NR6A1: variants seen among roughly 807,000 people sequenced by gnomAD.
The protein encoded by NR6A1 is nuclear receptor subfamily 6 group A member 1, also known as retinoic acid receptor-related testis-associated receptor.
Under a neutral mutation model 59.1 loss-of-function variants are expected in NR6A1, and 7 were observed. The observed-to-expected ratio is 0.12, with a 90% CI of 0.07 to 0.22. The LOEUF (loss-of-function observed/expected upper bound fraction) is 0.22. Among genes scored for constraint, NR6A1 ranks in the 10% least tolerant of loss-of-function variants. NR6A1 has a pLI of 1.00. For synonymous variants in NR6A1, 243 were observed against 236.1 expected, an observed-to-expected ratio of 1.03 and a Z score of -0.27; for missense variants, 468 against 611.6, an observed-to-expected ratio of 0.77 and a Z score of 2.48.
chr9:124,702,240 C>T (rs1838982248), intron 2 of NR6A1, among the ~76,000 whole-genome samples: 2 of 152,142 alleles, frequency 1.3e-5, no homozygotes, highest in Admixed American at 6.6e-5. Context: ...AGTTTTAGCT[C>T]TTACATTTAG....
chr9:124,749,745 T>C (rs1840441523), intron 1 of NR6A1, among the ~76,000 whole-genome samples: 1 of 152,164 alleles, frequency 6.6e-6, no homozygotes, highest in African/African-American at 2.4e-5. Flanking sequence ...CTACAGATAC[T>C]AGTATACCCT....
chr9:124,670,487 G>C (rs1837759341), intron 2 of NR6A1, among the ~76,000 whole-genome samples: 1 of 149,260 alleles, frequency 6.7e-6, no homozygotes, highest in African/African-American at 2.6e-5. Flanking sequence ...TAAAAAGCTA[G>C]GAAATGAAAA....
chr9:124,634,762 C>A (rs1342540202), intron 2 of NR6A1, among the ~76,000 whole-genome samples: 2 of 152,090 alleles, frequency 1.3e-5, no homozygotes, highest in Non-Finnish European at 1.5e-5. Flanking sequence ...GCGGAGTTTG[C>A]AATGAGCCGA....
At chr9:124,628,435 G>A (rs1588721086) in intron 2 of NR6A1, among the ~76,000 whole-genome samples, 1 of 151,460 alleles carries the variant, frequency 6.6e-6, no homozygotes, top group African/African-American at 2.4e-5. Flanking sequence ...TCTGGGCCTC[G>A]CAGGTTCAAG....
chr9:124,536,277 T>C (rs1184947931), intron 6 of NR6A1, 145 bp from the exon 7 acceptor site: 3 of 918,536 alleles, frequency 3.3e-6, no homozygotes, highest in Non-Finnish European at 4.9e-6. Context: ...TTCCATTCAG[T>C]GTGATTTTCT....
At chr9:124,711,718 A>T (rs11791500) in intron 2 of NR6A1, among the ~76,000 whole-genome samples, 1 of 152,196 alleles carries the variant, frequency 6.6e-6, no homozygotes, top group Non-Finnish European at 1.5e-5. Flanking sequence ...AAAAGTGACC[A>T]CTGGATACCC....
chr9:124,629,614 G>A (rs1836363926), intron 2 of NR6A1, among the ~76,000 whole-genome samples: 1 of 152,306 alleles, frequency 6.6e-6, no homozygotes, highest in Middle Eastern at 3.4e-3. Flanking sequence ...ATTTCCCAGA[G>A]CGTGCAAGGT....
intron 2 of NR6A1, among the ~76,000 whole-genome samples, chr9:124,640,700 C>G (rs1280193359): frequency 6.6e-6 from 1 of 151,950 alleles, no homozygotes; most frequent in Non-Finnish European, 1.5e-5. Context: ...TTACCACCCC[C>G]AGTCCAATCT....
rs1833870602 is a variant in NR6A1, at chr9:124,554,347, C to T, written c.366G>A (p.Gln122=). The change falls in exon 3 of 10, where the codon CAG becomes CAA. Residue 122 remains glutamine (Q), a synonymous_variant. Coordinates refer to ENST00000487099, the MANE Select transcript of NR6A1 (RefSeq NM_033334.4). ...CQYCRLLKCL[Q]MGMNRKAIRE... is the part of the protein sequence containing the mutation. The stretch of plus-strand genomic sequence containing the variant: ...ACTCACCCTTCCGGTTCATCCCCAT[C>T]TGGAGGCATTTGAGCAGGCGGCAGT... 1 of 1,614,090 alleles carries T rather than the reference C, an allele frequency of 6.2e-7. No homozygotes were observed. The highest frequency in any genetic ancestry group is 1.7e-5 in the Admixed American group (1 of 60,008).
At chr9:124,674,447 G>A (rs1837892827) in intron 2 of NR6A1, among the ~76,000 whole-genome samples, 1 of 152,068 alleles carries the variant, frequency 6.6e-6, no homozygotes, top group Non-Finnish European at 1.5e-5. Flanking sequence ...TTCCCTTACT[G>A]TGTCTTTCTA....
chr9:124,636,725 GCATTTA>G (rs954655489), intron 2 of NR6A1, among the ~76,000 whole-genome samples: 4 of 152,140 alleles, frequency 2.6e-5, no homozygotes, highest in African/African-American at 9.7e-5. Context: ...TCAGTTGACG[GCATTTA>G]CAAGGATCTA....
chr9:124,595,937 A>T (rs1835259032), intron 2 of NR6A1: 2 of 591,014 alleles, frequency 3.4e-6, no homozygotes, highest in Admixed American at 2.9e-5. Context: ...GTGATTGCAA[A>T]GTTCAGGCTC....
At chr9:124,612,251 C>T (rs992046360) in intron 2 of NR6A1, among the ~76,000 whole-genome samples, 3 of 152,196 alleles carry the variant, frequency 2.0e-5, no homozygotes, top group Non-Finnish European at 4.4e-5. Context: ...GCCCCTCACT[C>T]TCATAGTCCA....
Position 124,520,748 on chromosome 9 carries a change from G to A in NR6A1, c.*1957C>T, listed in dbSNP as rs1002924051. 1.3e-5 allele frequency: 2 copies of A among 152,130 alleles called. No homozygotes were observed. Among genetic ancestry groups the A allele is most frequent in the African/African-American group, 4.8e-5 (2 of 41,402 alleles). 9.4% of individuals were successfully genotyped at this position (152,130 alleles called of 1,614,324 possible). On this transcript the variant is annotated 3_prime_UTR_variant, in exon 10 of 10. Transcript: ENST00000487099. ...CTAGTTGGTTAAATAAAATTCAGGG[G>A]AACAAGTATCGTGAACTTAGAAATA... is the stretch of plus-strand genomic sequence containing the variant.
At chr9:124,544,304 A>G (rs16927511) in intron 3 of NR6A1, among the ~76,000 whole-genome samples, 3,774 of 152,244 alleles carry the variant, frequency 0.025, 117 homozygotes, top group East Asian at 0.098. Context: ...CATTAATCAG[A>G]ATTTTGACCT....
At chr9:124,702,189 G>A (rs1838980642) in intron 2 of NR6A1, among the ~76,000 whole-genome samples, 1 of 152,172 alleles carries the variant, frequency 6.6e-6, no homozygotes, top group Middle Eastern at 3.4e-3. Context: ...AGAGGTCTTT[G>A]CCTAACCCAA....
chr9:124,670,059 T>C lies in NR6A1; in HGVS notation c.142+63249A>G, dbSNP rs147996129. 1.1e-3 allele frequency among the ~76,000 whole-genome samples: 169 copies of C among 152,138 alleles called. 3 individuals are homozygous for C. In the East Asian group the frequency reaches 0.025, roughly 23 times the overall value. The stretch of plus-strand genomic sequence containing the variant: ...GAAACTTACATACCATTTTTCCCCC[T>C]ACCCTTCCCCTCACATAAATTTGGT... On this transcript the variant is annotated intron_variant, in intron 2 of 9. Coordinates refer to ENST00000487099, the MANE Select transcript of NR6A1 (RefSeq NM_033334.4).
intron 3 of NR6A1, among the ~76,000 whole-genome samples, chr9:124,549,849 A>G (rs1335805467): frequency 6.6e-6 from 1 of 152,204 alleles, no homozygotes; most frequent in African/African-American, 2.4e-5. Context: ...ACCAAAGTAC[A>G]TACTTTATTT....
intron 3 of NR6A1, among the ~76,000 whole-genome samples, chr9:124,546,001 G>C (rs1833585907): frequency 6.6e-6 from 1 of 152,196 alleles, no homozygotes; most frequent in Non-Finnish European, 1.5e-5. Context: ...TGTAATCCCA[G>C]CTACTCGGGA....
Sources: gnomAD v4.1 joint callset for allele counts (sites outside exome capture counted in the v4.1 genomes callset) on GRCh38, gnomAD v4.1.1 for gene constraint, MANE v1.5 for transcripts, NCBI Gene and HGNC (gene_info 2026-07-23, HGNC 2026-07-21) for gene names.